ARAP1: variants seen among roughly 807,000 people sequenced by gnomAD.
ARAP1 encodes the protein ArfGAP with RhoGAP domain, ankyrin repeat and PH domain 1.
In ARAP1, 76 loss-of-function variants were observed where a neutral mutation model predicts 172.2. That is an observed-to-expected ratio of 0.44 (90% CI 0.37 to 0.53). The LOEUF (loss-of-function observed/expected upper bound fraction) is 0.53. Ranked by LOEUF, ARAP1 falls within the 20% of genes least tolerant of loss-of-function variation. ARAP1 has a pLI of 0.00. For synonymous variants in ARAP1, 804 were observed against 803.3 expected (o/e 1.00, Z -0.01); for missense variants, 1,686 against 1,977.5 (o/e 0.85, Z 2.80).
chr11:72,707,780 G>A (rs1161406446), intron 11 of ARAP1, among the ~76,000 whole-genome samples: 1 of 152,156 alleles, frequency 6.6e-6, no homozygotes, highest in Non-Finnish European at 1.5e-5. Context: ...AGAGAAAAGG[G>A]TGGGAGATGG....
chr11:72,714,407 C>T (rs1462044560), intron 3 of ARAP1, 86 bp from the exon 4 acceptor site: 2 of 1,356,888 alleles, frequency 1.5e-6, no homozygotes, highest in Non-Finnish European at 2.0e-6. Context: ...TGAACTGCAG[C>T]AAAACTCAGG....
In ARAP1 at chr11:72,692,836, G is replaced by GGAC. The variant is rs773377447; in HGVS notation, c.3955-54_3955-52dup. On this transcript the variant is annotated intron_variant, in intron 29 of 34. Transcript: ENST00000393609. The stretch of plus-strand genomic sequence containing the variant: ...GGAAGAAGTCCCAGGTCTAGAGCCA[G>GGAC]GACAGCATGTGCAGTGATGTGTGGG... 5.0e-6 allele frequency: 8 copies of GGAC among 1,608,332 alleles called. No homozygotes were observed. The African/African-American group carries it at 1.1e-4, about 21-fold the overall frequency.
At position 72,732,551 on chromosome 11, in the gene ARAP1, G is replaced by T. The variant is rs1591238716; in HGVS notation, c.-81C>A. 1 of 152,640 alleles carries T rather than the reference G, an allele frequency of 6.6e-6. No homozygotes were observed. The highest frequency in any genetic ancestry group is 1.5e-5 in the Non-Finnish European group (1 of 68,330). 9.5% of individuals were successfully genotyped at this position (152,640 alleles called of 1,614,324 possible). ...CCAAGGACGCCCGGGTCCTCCCAGA[G>T]ACAGCAGCTATTCTGAAGGGCTCCT... On this transcript the variant is annotated 5_prime_UTR_variant, in exon 2 of 35. Coordinates refer to ENST00000393609, the MANE Select transcript of ARAP1 (RefSeq NM_001040118.3).
At position 72,699,246 on chromosome 11, in the gene ARAP1, G is replaced by T; in HGVS notation, c.2439-139C>A. ...TTATTCTGGTCCCCTAAGAGGTGGT[G>T]GAAAAGTCTTGGGCTGGGGCCTCAA... On this transcript the variant is annotated intron_variant, in intron 17 of 34. Transcript: ENST00000393609. The surrounding 1 kb of genome is among the most constrained non-coding windows in gnomAD (Gnocchi z 4.2). The T allele has an allele frequency of 7.2e-7, 1 of 1,382,156 alleles. No homozygotes were observed. Among genetic ancestry groups the T allele is most frequent in the Non-Finnish European group, 9.9e-7 (1 of 1,005,546 alleles). The allele number at this position is 1,382,156 out of a possible 1,614,324, so 85.6% of individuals were successfully genotyped here. A position where few individuals can be genotyped will look rare whatever the true frequency, so the allele number is the denominator to read the frequency against.
At chr11:72,706,795 C>T (rs982551568) in intron 12 of ARAP1, among the ~76,000 whole-genome samples, 2 of 152,190 alleles carry the variant, frequency 1.3e-5, no homozygotes, top group African/African-American at 2.4e-5. Flanking sequence ...AAAACCAGCT[C>T]CTCCCTCTGC....
Position 72,704,241 on chromosome 11 carries a change from T to G in ARAP1, c.1903A>C (p.Thr635Pro). ...EALQPSSSPSTRRCHLEAKYR... is the reference protein window; with the variant it reads ...EALQPSSSPSPRRCHLEAKYR... ...TTGGCCTCCAGGTGGCACCGCCGGG[T>G]GCTGGGGCTGCTGCTGGGCTGCAGG... Residue 635 changes from threonine (T) to proline (P), a missense_variant, in exon 14 of 35, where the codon ACC becomes CCC. Transcript: ENST00000393609. 1 of 1,613,604 alleles carries G rather than the reference T, an allele frequency of 6.2e-7. No individual in the cohort carries two copies.
chr11:72,751,586 G>C (rs1387745923), intron 1 of ARAP1, among the ~76,000 whole-genome samples: 2 of 151,982 alleles, frequency 1.3e-5, no homozygotes, highest in Admixed American at 6.5e-5. Flanking sequence ...AGTACCCCCA[G>C]GTATCTGGCC....
In ARAP1 at chr11:72,695,185, T is replaced by A; in HGVS notation, c.3577-88A>T. On this transcript the variant is annotated intron_variant, in intron 26 of 34. Coordinates refer to ENST00000393609, the MANE Select transcript of ARAP1 (RefSeq NM_001040118.3). The surrounding 1 kb of genome is among the most constrained non-coding windows in gnomAD (Gnocchi z 4.4). ...CTATGTGACTCAGAGCCTGAGCCCA[T>A]CCTTCTCAGGCCCTTCTGGAGTCCT... The A allele has an allele frequency of 1.4e-6, 2 of 1,447,462 alleles. No homozygotes were observed. The highest frequency in any genetic ancestry group is 1.9e-6 in the Non-Finnish European group (2 of 1,041,054). 89.7% of individuals were successfully genotyped at this position (1,447,462 alleles called of 1,614,324 possible).
chr11:72,728,971 CA>C (rs760241086), intron 2 of ARAP1, among the ~76,000 whole-genome samples: 5 of 152,084 alleles, frequency 3.3e-5, no homozygotes, highest in Non-Finnish European at 7.4e-5. Context: ...ATTCTGGAAG[CA>C]GGGGTGGAGG....
intron 3 of ARAP1, among the ~76,000 whole-genome samples, chr11:72,720,012 A>C (rs537120714): frequency 1.3e-4 from 20 of 152,228 alleles, no homozygotes; most frequent in Non-Finnish European, 2.9e-4. Flanking sequence ...TGATCACTCA[A>C]TATGGTCATA....
Position 72,726,908 on chromosome 11 carries a change from G to A in ARAP1, c.221C>T (p.Ala74Val), listed in dbSNP as rs762247261. ...LLRAHTSPAP[A>V]PRPTPRPVPM... ...CACAGGCCGTGGGGTGGGGCGGGGTGCAGGGGCCGGTGAGGTATGGGCACG... is the reference window on the plus strand; with the variant it reads ...CACAGGCCGTGGGGTGGGGCGGGGTACAGGGGCCGGTGAGGTATGGGCACG... Residue 74 changes from alanine (A) to valine (V), a missense_variant, in exon 3 of 35, where the codon GCA becomes GTA. Transcript: ENST00000393609. This position sits in a 1 kb window ranked among gnomAD's most constrained non-coding sequence, Gnocchi z 6.5. 4 of 1,586,676 alleles carry A rather than the reference G, an allele frequency of 2.5e-6. No homozygotes were observed. The highest frequency in any genetic ancestry group is 3.4e-6 in the Non-Finnish European group (4 of 1,166,600).
intron 14 of ARAP1, among the ~76,000 whole-genome samples, chr11:72,703,645 G>A (rs1243666656): frequency 6.6e-6 from 1 of 152,160 alleles, no homozygotes; most frequent in African/African-American, 2.4e-5. Context: ...GCCAACCAGA[G>A]GTCACAAATG....
intron 3 of ARAP1, among the ~76,000 whole-genome samples, chr11:72,716,099 G>C (rs1041041705): frequency 2.0e-5 from 3 of 150,994 alleles, no homozygotes; most frequent in African/African-American, 4.9e-5. Flanking sequence ...CATGAACCCG[G>C]GAGGTGGAGC....
intron 4 of ARAP1, 61 bp downstream of exon 4, chr11:72,714,091 C>A: frequency 7.2e-7 from 1 of 1,386,580 alleles, no homozygotes; most frequent in South Asian, 1.7e-5. Context: ...CTTCCAGAGG[C>A]CTGATTCCAG....
chr11:72,728,249 C>G (rs555441670), intron 2 of ARAP1, among the ~76,000 whole-genome samples: 1 of 152,250 alleles, frequency 6.6e-6, no homozygotes, highest in African/African-American at 2.4e-5. Context: ...AACTGAGAAA[C>G]TATAACAACC....
At chr11:72,698,893 G>C (rs1235993251) in intron 18 of ARAP1, 112 bp downstream of exon 18, 3 of 1,110,206 alleles carry the variant, frequency 2.7e-6, no homozygotes, top group South Asian at 1.3e-5. Context: ...CTGCTGCCCT[G>C]CATCTAGCTT....
intron 12 of ARAP1, among the ~76,000 whole-genome samples, chr11:72,706,400 C>T (rs917063782): frequency 6.6e-6 from 1 of 152,208 alleles, no homozygotes; most frequent in Non-Finnish European, 1.5e-5. Context: ...TAGACTTGCT[C>T]CTCCACCTGG....
chr11:72,721,251 C>T (rs961477727), intron 3 of ARAP1, among the ~76,000 whole-genome samples: 9 of 152,158 alleles, frequency 5.9e-5, no homozygotes, highest in Admixed American at 2.0e-4. Flanking sequence ...TAGGGATCCA[C>T]GGTAACTCAG....
At chr11:72,717,053 G>C (rs1441558881) in intron 3 of ARAP1, among the ~76,000 whole-genome samples, 1 of 152,164 alleles carries the variant, frequency 6.6e-6, no homozygotes, top group Non-Finnish European at 1.5e-5. Context: ...AGTAGCAATA[G>C]CATGTGGACA....
Sources: gnomAD v4.1 joint callset for allele counts (sites outside exome capture counted in the v4.1 genomes callset) on GRCh38, gnomAD v4.1.1 for gene constraint, Gnocchi (gnomAD v3.1) non-coding constraint, MANE v1.5 for transcripts, NCBI Gene and HGNC (gene_info 2026-07-23, HGNC 2026-07-21) for gene names.